The following NFXL1 variants were observed in gnomAD, a reference collection of about 807,000 sequenced individuals.
The protein encoded by NFXL1 is nuclear transcription factor, X-box binding like 1.
Under a neutral mutation model 123.3 loss-of-function variants are expected in NFXL1, and 66 were observed. That is an observed-to-expected ratio of 0.54 (90% confidence interval 0.44 to 0.66). NFXL1 has a LOEUF of 0.66. Among genes scored for constraint, NFXL1 ranks in the 30% least tolerant of loss-of-function variants. The pLI, the probability that NFXL1 is intolerant of heterozygous loss-of-function variation, is 0.00. For missense variants in NFXL1, 944 were observed against 1,125.6 expected (o/e 0.84, Z 2.31); for synonymous variants, 346 against 360.8 (o/e 0.96, Z 0.46).
intron 5 of NFXL1, among the ~76,000 whole-genome samples, chr4:47,900,136 G>C (rs898534883): frequency 1.3e-5 from 2 of 151,972 alleles, no homozygotes; most frequent in African/African-American, 4.8e-5. Context: ...CTACAATTTA[G>C]AATTAAGGGG....
intron 11 of NFXL1, among the ~76,000 whole-genome samples, chr4:47,893,659 T>C (rs76829932): frequency 2.0e-5 from 3 of 151,596 alleles, no homozygotes; most frequent in African/African-American, 4.8e-5. Flanking sequence ...AAAGAATTCA[T>C]GGCCAGCACT....
At chr4:47,855,470 T>C (rs73141951) in intron 19 of NFXL1, among the ~76,000 whole-genome samples, 3,145 of 152,110 alleles carry the variant, frequency 0.021, 130 homozygotes, top group African/African-American at 0.072. Context: ...CAATGGAATG[T>C]AAGCAAGTAC....
chr4:47,879,034 T>C, intron 16 of NFXL1, 62 bp downstream of exon 16: 3 of 925,576 alleles, frequency 3.2e-6, no homozygotes, highest in Non-Finnish European at 3.3e-6. Flanking sequence ...TCTAGTAAAG[T>C]TATACTAGTA....
intron 15 of NFXL1, among the ~76,000 whole-genome samples, chr4:47,882,000 C>A (rs1417780575): frequency 6.6e-6 from 1 of 152,128 alleles, no homozygotes; most frequent in Middle Eastern, 3.2e-3. Context: ...CCCACAGAAC[C>A]ATACAACACA....
At chr4:47,861,392 C>T (rs1251469250) in intron 19 of NFXL1, among the ~76,000 whole-genome samples, 2 of 152,116 alleles carry the variant, frequency 1.3e-5, no homozygotes, top group African/African-American at 4.8e-5. Context: ...TCTAGCAATA[C>T]CAGGGGCTCC....
At chr4:47,899,678 T>C in intron 5 of NFXL1, 130 bp from the exon 6 acceptor site, 1 of 618,722 alleles carries the variant, frequency 1.6e-6, no homozygotes, top group Non-Finnish European at 2.8e-6. Flanking sequence ...CATCTTTGTG[T>C]TAGTGAAAAA....
intron 20 of NFXL1, among the ~76,000 whole-genome samples, chr4:47,853,895 G>A (rs1560578892): frequency 6.6e-6 from 1 of 152,102 alleles, no homozygotes; most frequent in South Asian, 2.1e-4. Flanking sequence ...GGGAAGTGGT[G>A]TGACTAGAGA....
At chr4:47,898,724 A>G in intron 8 of NFXL1, 33 bp downstream of exon 8, 200 of 1,103,726 alleles carry the variant, frequency 1.8e-4, no homozygotes, top group Non-Finnish European at 2.6e-4. Flanking sequence ...TGTACTCTTT[A>G]ATACCCACCC....
At position 47,905,255 on chromosome 4, in the gene NFXL1, C is replaced by T. The variant is rs553755026; in HGVS notation, c.498G>A (p.Ser166=). ...GAMTCLICIA[S]VKRNQAVWSC... is the part of the protein sequence containing the mutation. Reference sequence around the variant, plus strand: ...AACTTACTGCTTGGTTTCTCTTCACCGAAGCAATACAAATTAGGCATGTCA... The same window carrying T: ...AACTTACTGCTTGGTTTCTCTTCACTGAAGCAATACAAATTAGGCATGTCA... Residue 166 remains serine, a synonymous_variant, in exon 4 of 23, where the codon TCG becomes TCA. Coordinates refer to ENST00000507489, the MANE Select transcript of NFXL1 (RefSeq NM_001278624.2). The T allele has an allele frequency of 1.2e-5, 19 of 1,547,246 alleles. No individual in the cohort carries two copies. The highest frequency in any genetic ancestry group is 1.7e-4 in the Middle Eastern group (1 of 5,908).
At chr4:47,904,348 T>C (rs1169759635) in intron 4 of NFXL1, among the ~76,000 whole-genome samples, 1 of 152,208 alleles carries the variant, frequency 6.6e-6, no homozygotes, top group East Asian at 1.9e-4. Context: ...TTCTGCACTA[T>C]ACCCATGTAC....
chr4:47,904,444 A>T (rs9994561), intron 4 of NFXL1, among the ~76,000 whole-genome samples: 53,008 of 152,064 alleles, frequency 0.35, 9,677 homozygotes, highest in East Asian at 0.59. Context: ...TTCTATCTGC[A>T]TGCAGAGACT....
chr4:47,864,166 A>G (rs1734922707), intron 18 of NFXL1, among the ~76,000 whole-genome samples: 1 of 152,184 alleles, frequency 6.6e-6, no homozygotes. Context: ...GAACTTAAAG[A>G]GTTAATATTA....
intron 3 of NFXL1, among the ~76,000 whole-genome samples, chr4:47,910,094 T>C (rs945200307): frequency 4.6e-5 from 7 of 152,302 alleles, no homozygotes; most frequent in African/African-American, 1.7e-4. Flanking sequence ...TGGCCCTCTC[T>C]CACATAAACA....
intron 3 of NFXL1, among the ~76,000 whole-genome samples, chr4:47,909,209 T>C (rs1737712869): frequency 6.6e-6 from 1 of 152,122 alleles, no homozygotes; most frequent in South Asian, 2.1e-4. Flanking sequence ...TGCTAAGCAA[T>C]ATGTCAAACA....
Position 47,898,012 on chromosome 4 carries a change from C to A in NFXL1, c.1159G>T (p.Glu387Ter), listed in dbSNP as rs1737187932. Residue 387 changes from glutamate (E) to a stop codon, truncating the protein, a stop_gained, in exon 9 of 23, where the codon GAA becomes TAA. Transcript: ENST00000507489. LOFTEE classifies it high-confidence loss of function. ...AACCTTTTCCCAGATCGAGGACATT[C>A]TCCACAAGCACCAACATGGCAAACT... ...EQVCHVGACG[E>*]CPRSGKRFCP... The A allele has an allele frequency of 1.2e-6, 2 of 1,612,560 alleles. No homozygotes were observed. Among genetic ancestry groups the A allele is most frequent in the East Asian group, 4.5e-5 (2 of 44,824 alleles).
At chr4:47,888,583 A>G (rs1054036438) in intron 12 of NFXL1, among the ~76,000 whole-genome samples, 2 of 152,162 alleles carry the variant, frequency 1.3e-5, no homozygotes, top group African/African-American at 4.8e-5. Flanking sequence ...CTACCAAAAA[A>G]TATCAAAACC....
At chr4:47,874,236 C>T (rs181257941) in intron 18 of NFXL1, among the ~76,000 whole-genome samples, 69 of 152,294 alleles carry the variant, frequency 4.5e-4, no homozygotes, top group African/African-American at 1.5e-3. Flanking sequence ...GCATTCACAA[C>T]GTGGCTAACT....
chr4:47,864,856 T>G lies in NFXL1; in HGVS notation c.2247-1941A>C, dbSNP rs540788051. On this transcript the variant is annotated intron_variant, in intron 18 of 22. Coordinates refer to ENST00000507489, the MANE Select transcript of NFXL1 (RefSeq NM_001278624.2). ...TAAACCAGTAAACATAAGTTAAGTT[T>G]TTCTCTGAGATTTATGAGGCACTCT... 1.1e-3 allele frequency among the ~76,000 whole-genome samples: 169 copies of G among 152,304 alleles called. No homozygotes were observed. The Middle Eastern group carries it at 0.014, about 12-fold the overall frequency.
chr4:47,880,266 A>G (rs1193486648), intron 15 of NFXL1, among the ~76,000 whole-genome samples: 3 of 151,602 alleles, frequency 2.0e-5, no homozygotes, highest in Non-Finnish European at 4.4e-5. Flanking sequence ...TTAGCTGAAC[A>G]TAATAGTGCA....
Sources: allele counts gnomAD v4.1 joint callset (sites outside exome capture counted in the v4.1 genomes callset), GRCh38; gene constraint gnomAD v4.1.1; transcripts MANE v1.5; gene names NCBI Gene and HGNC (gene_info 2026-07-23, HGNC 2026-07-21).